The following MED13 variants were observed in gnomAD, a reference collection of about 807,000 sequenced individuals.
The protein encoded by MED13 is mediator complex subunit 13.
A neutral mutation model predicts 225.2 loss-of-function variants in MED13; 23 were observed. The observed-to-expected ratio is 0.10, with a 90% CI of 0.07 to 0.14. The LOEUF is 0.14. Ranked by LOEUF, MED13 falls within the 10% of genes least tolerant of loss-of-function variation. The pLI is 1.00. For synonymous variants in MED13, 942 were observed against 889.2 expected, an observed-to-expected ratio of 1.06 and a Z score of -1.06; for missense variants, 2,197 against 2,594.5, an observed-to-expected ratio of 0.85 and a Z score of 3.33.
chr17:62,015,108 A>C (rs892571309), intron 8 of MED13, among the ~76,000 whole-genome samples: 2 of 152,346 alleles, frequency 1.3e-5, no homozygotes, highest in African/African-American at 4.8e-5. Context: ...TTTAGAAAAC[A>C]TAACAACCAA....
At chr17:62,002,079 A>C (rs1011972195) in intron 9 of MED13, among the ~76,000 whole-genome samples, 9 of 152,232 alleles carry the variant, frequency 5.9e-5, no homozygotes, top group African/African-American at 2.2e-4. Context: ...CAATTTACTA[A>C]TATAAACAAA....
At chr17:62,017,218 C>T (rs1276189610) in intron 8 of MED13, among the ~76,000 whole-genome samples, 3 of 73,278 alleles carry the variant, frequency 4.1e-5, no homozygotes, top group African/African-American at 5.5e-5. Flanking sequence ...AACTAAAATG[C>T]TAAAAAAAAA....
In MED13 at chr17:62,010,831, T is replaced by C. The variant is rs140048436; in HGVS notation, c.1686A>G (p.Gln562=). 4 of 1,614,222 alleles carry C rather than the reference T, an allele frequency of 2.5e-6. No homozygotes were observed. In the African/African-American group the frequency reaches 4.0e-5, roughly 16 times the overall value. ...GAACCAAGGGATCTGGTGTTGGCAT[T>C]TGATAAAAATGTTGACTCTGAGGAG... ...PSTPQSQHFY[Q]MPTPDPLVPS... is the part of the protein sequence containing the mutation. Residue 562 remains glutamine (Q), a synonymous_variant, in exon 9 of 30, where the codon CAA becomes CAG. Transcript: ENST00000397786.
intron 1 of MED13, 50 bp from the exon 2 acceptor site, chr17:62,063,351 CAA>C (rs760644103): frequency 8.5e-7 from 1 of 1,172,726 alleles, no homozygotes; most frequent in Non-Finnish European, 1.2e-6. Context: ...CACTCAAAGT[CAA>C]AAGTACTCAA....
At chr17:62,048,047 T>TAC (rs891955999) in intron 3 of MED13, among the ~76,000 whole-genome samples, 2,232 of 138,274 alleles carry the variant, frequency 0.016, 21 homozygotes, top group South Asian at 0.024. Flanking sequence ...CATATACATA[T>TAC]ATATATATAT....
At chr17:61,955,358 AC>A in intron 26 of MED13, 23 bp downstream of exon 26, 1 of 1,488,772 alleles carries the variant, frequency 6.7e-7, no homozygotes, top group South Asian at 1.4e-5. Context: ...TCTTCAGACT[AC>A]CAAAATGGAA....
chr17:62,043,169 AAAAAAAAAAAAAAAAG>A (rs1603408040), intron 3 of MED13, among the ~76,000 whole-genome samples: 3 of 148,062 alleles, frequency 2.0e-5, no homozygotes, highest in East Asian at 3.9e-4. Flanking sequence ...AAAAAAAAAA[AAAAAAAAAAAAAAAAG>A]AAAGAAAGAA....
intron 4 of MED13, among the ~76,000 whole-genome samples, chr17:62,034,685 A>C (rs2080787285): frequency 6.6e-6 from 1 of 152,198 alleles, no homozygotes; most frequent in South Asian, 2.1e-4. Context: ...TAAAAAGCAA[A>C]TATTAGGTTT....
intron 9 of MED13, chr17:62,003,741 T>C (rs191157751): frequency 9.4e-4 from 143 of 152,226 alleles, no homozygotes; most frequent in African/African-American, 3.3e-3. Flanking sequence ...TTCCCTTGTC[T>C]ATAAGGCAGA....
intron 9 of MED13, among the ~76,000 whole-genome samples, chr17:62,008,101 A>G (rs750401720): frequency 2.3e-4 from 34 of 149,566 alleles, no homozygotes; most frequent in African/African-American, 8.4e-4. Context: ...GCGGATCATG[A>G]GGTCAGGAGA....
intron 6 of MED13, chr17:62,031,141 T>C (rs1052486219): frequency 8.1e-5 from 16 of 197,734 alleles, no homozygotes; most frequent in Admixed American, 7.2e-4. Flanking sequence ...CGAGTAATAG[T>C]TGTATAGGAG....
At chr17:61,985,956 T>C (rs1192263136) in intron 12 of MED13, among the ~76,000 whole-genome samples, 4 of 152,208 alleles carry the variant, frequency 2.6e-5, no homozygotes, top group South Asian at 2.1e-4. Context: ...TTTTAGTAGA[T>C]TGAACAAACA....
At chr17:62,015,448 C>G (rs376176006) in intron 8 of MED13, among the ~76,000 whole-genome samples, 86 of 152,092 alleles carry the variant, frequency 5.7e-4, no homozygotes, top group African/African-American at 2.0e-3. Context: ...ATCAAAAAAA[C>G]AATAAGTTGC....
At position 62,031,177 on chromosome 17, in the gene MED13, C is replaced by CT. The variant is rs2080752019; in HGVS notation, c.1009+266dup. ...AGTGTCCTTAATTCTGGGAAACACA[C>CT]TGAGTACACAGGAGTGATGGGACAT... is the stretch of plus-strand genomic sequence containing the variant. On this transcript the variant is annotated intron_variant, in intron 6 of 29. Transcript: ENST00000397786. The CT allele has an allele frequency of 7.8e-5, 20 of 255,966 alleles. No individual in the cohort carries two copies. In the South Asian group the frequency reaches 2.5e-3, roughly 31 times the overall value. The allele number at this position is 255,966 out of a possible 1,614,324, so 15.9% of individuals were successfully genotyped here.
chr17:62,020,036 G>A (rs770824258), intron 8 of MED13, among the ~76,000 whole-genome samples: 7 of 151,978 alleles, frequency 4.6e-5, no homozygotes, highest in Non-Finnish European at 7.4e-5. Flanking sequence ...GAACCACTGC[G>A]CAAGGCCAAA....
intron 3 of MED13, chr17:62,036,962 A>AAT (rs1321094000): frequency 1.3e-5 from 2 of 152,214 alleles, no homozygotes; most frequent in African/African-American, 4.8e-5. Context: ...TTTTAATCGA[A>AAT]ATAAATTTTT....
At position 61,966,547 on chromosome 17, in the gene MED13, T is replaced by C. The variant is rs750830333; in HGVS notation, c.4296A>G (p.Ala1432=). The part of the protein sequence containing the change: ...ASKKLSEKLV[A]EWFSQAADGN... ...CGTCAGCTGCCTGAGAAAACCATTC[T>C]GCTACCAACTTTTCTGATAGTTTCT... is the stretch of plus-strand genomic sequence containing the variant. The change falls in exon 19 of 30, where the codon GCA becomes GCG. Residue 1432 remains alanine, a synonymous_variant. Transcript: ENST00000397786. 1.9e-6 allele frequency: 3 copies of C among 1,613,964 alleles called. No individual in the cohort carries two copies. Among genetic ancestry groups the C allele is most frequent in the South Asian group, 1.1e-5 (1 of 91,078 alleles).
intron 17 of MED13, among the ~76,000 whole-genome samples, chr17:61,968,548 G>C (rs933280194): frequency 6.6e-6 from 1 of 152,174 alleles, no homozygotes; most frequent in South Asian, 2.1e-4. Flanking sequence ...GGATGGTCTC[G>C]AGCTCCTGAC....
At chr17:62,056,591 GACT>G (rs2080998156) in intron 2 of MED13, among the ~76,000 whole-genome samples, 1 of 134,106 alleles carries the variant, frequency 7.5e-6, no homozygotes, top group Non-Finnish European at 1.5e-5. Flanking sequence ...GGAAGACCCT[GACT>G]CCAAAAAACT....
Sources: gnomAD v4.1 joint callset for allele counts (sites outside exome capture counted in the v4.1 genomes callset) on GRCh38, gnomAD v4.1.1 for gene constraint, MANE v1.5 for transcripts, NCBI Gene and HGNC (gene_info 2026-07-23, HGNC 2026-07-21) for gene names.